The following GRSF1 variants were observed in gnomAD, a reference collection of about 807,000 sequenced individuals.
The protein encoded by GRSF1 is G-rich RNA sequence binding factor 1.
A neutral mutation model predicts 51.1 loss-of-function variants in GRSF1; 50 were observed. The observed-to-expected ratio is 0.98, with a 90% CI of 0.78 to 1.24. The LOEUF (loss-of-function observed/expected upper bound fraction) is 1.24, where lower values mean the gene tolerates loss of function less well. GRSF1 is among the 50% of genes most tolerant of loss of function. The pLI is 0.00. For synonymous variants in GRSF1, 293 were observed against 253.3 expected (o/e 1.16, Z -1.49); for missense variants, 700 against 639.7 (o/e 1.09, Z -1.02).
chr4:70,841,833 G>C (rs1734466369), upstream of GRSF1, among the ~76,000 whole-genome samples: 2 of 152,126 alleles, frequency 1.3e-5, no homozygotes, highest in Non-Finnish European at 2.9e-5. Context: ...TTTGTTTTTT[G>C]GGCTAAAATA....
Position 70,834,988 on chromosome 4 carries a change from C to CT in GRSF1, c.514+1169dup, listed in dbSNP as rs528368517. On this transcript the variant is annotated intron_variant, in intron 2 of 9. Coordinates refer to ENST00000254799, the MANE Select transcript of GRSF1 (RefSeq NM_002092.4). Reference sequence around the variant, plus strand: ...GGCCCTGGTGTCTTCTTGTTCCCCTCTTTGTGTCCATGTGTTCTCATTGTT... The same window carrying CT: ...GGCCCTGGTGTCTTCTTGTTCCCCTCTTTTGTGTCCATGTGTTCTCATTGTT... Among the ~76,000 whole-genome samples the CT allele has an allele frequency of 2.1e-3, 315 of 152,236 alleles. 1 individual carries two copies. Among genetic ancestry groups the CT allele is most frequent in the Admixed American group, 5.7e-3 (87 of 15,280 alleles).
chr4:70,829,030 T>C (rs947104142), intron 5 of GRSF1, among the ~76,000 whole-genome samples: 1 of 151,648 alleles, frequency 6.6e-6, no homozygotes, highest in Non-Finnish European at 1.5e-5. Flanking sequence ...TGAGCCACCA[T>C]GCCCAGCCCA....
upstream of GRSF1, among the ~76,000 whole-genome samples, chr4:70,842,560 C>T (rs1272442833): frequency 6.6e-6 from 1 of 152,090 alleles, no homozygotes; most frequent in Admixed American, 6.6e-5. Flanking sequence ...CTCAGCCTCC[C>T]AAAGTGCTTG....
At chr4:70,832,877 G>A (rs1418294431) in intron 3 of GRSF1, among the ~76,000 whole-genome samples, 8 of 152,194 alleles carry the variant, frequency 5.3e-5, no homozygotes, top group Non-Finnish European at 8.8e-5. Context: ...GAACCCAGGA[G>A]GCAGAGGTTG....
Position 70,835,378 on chromosome 4 carries a change from T to C in GRSF1, c.514+780A>G, listed in dbSNP as rs1266847226. ...CCGGGAGGCGGAGCTTGCAGTGAGC[T>C]GAGATCATGCCACTGCACTCCAGCC... On this transcript the variant is annotated intron_variant, in intron 2 of 9. Transcript: ENST00000254799. Among the ~76,000 whole-genome samples, 9 of 144,074 alleles carry C rather than the reference T, an allele frequency of 6.2e-5. No homozygotes were observed. The East Asian group carries it at 9.0e-4, about 14-fold the overall frequency. 94.5% of individuals were successfully genotyped at this position (144,074 alleles called of 152,430 possible).
chr4:70,836,249 C>T lies in GRSF1; in HGVS notation c.423G>A (p.Lys141=). Residue 141 remains lysine (K), a synonymous_variant, in exon 2 of 10, where the codon AAG becomes AAA. Coordinates refer to ENST00000254799, the MANE Select transcript of GRSF1 (RefSeq NM_002092.4). The part of the protein sequence containing the change: ...PPPEYELAPS[K]LEEEVDDVFL... ...AGACATCATCCACTTCCTCTTCTAACTTGGACGGGGCCAATTCATACTCAG... is the reference window on the plus strand; with the variant it reads ...AGACATCATCCACTTCCTCTTCTAATTTGGACGGGGCCAATTCATACTCAG... 1 of 1,610,520 alleles carries T rather than the reference C, an allele frequency of 6.2e-7. No individual in the cohort carries two copies. The highest frequency in any genetic ancestry group is 8.5e-7 in the Non-Finnish European group (1 of 1,178,516).
intron 5 of GRSF1, among the ~76,000 whole-genome samples, chr4:70,829,148 C>T (rs982194265): frequency 1.3e-5 from 2 of 152,174 alleles, no homozygotes; most frequent in Non-Finnish European, 2.9e-5. Flanking sequence ...ACTTCGGCCT[C>T]CCAAAGTGCT....
At chr4:70,826,270 G>A in intron 6 of GRSF1, 25 bp from the exon 7 acceptor site, 3 of 1,577,402 alleles carry the variant, frequency 1.9e-6, no homozygotes, top group Non-Finnish European at 2.6e-6. Flanking sequence ...AGAAAGCACT[G>A]TTAAAACATA....
At chr4:70,825,918 C>A in intron 7 of GRSF1, 1 of 478,880 alleles carries the variant, frequency 2.1e-6, no homozygotes, top group Non-Finnish European at 3.7e-6. Flanking sequence ...GGCGACAGAG[C>A]GAGACTCTGT....
intron 5 of GRSF1, among the ~76,000 whole-genome samples, chr4:70,830,031 T>C (rs1471884261): frequency 6.6e-6 from 1 of 152,212 alleles, no homozygotes; most frequent in African/African-American, 2.4e-5. Context: ...CCTGAGGTGA[T>C]GTCAACATGA....
At chr4:70,824,539 C>G (rs529649418) in intron 8 of GRSF1, among the ~76,000 whole-genome samples, 171 bp from the exon 9 acceptor site, 1 of 152,084 alleles carries the variant, frequency 6.6e-6, no homozygotes, top group Non-Finnish European at 1.5e-5. Flanking sequence ...AATCCCAGTA[C>G]TTTGGGAAGC....
chr4:70,830,808 G>C (rs574217010), intron 5 of GRSF1, among the ~76,000 whole-genome samples: 205 of 151,422 alleles, frequency 1.4e-3, no homozygotes, highest in Non-Finnish European at 2.3e-3. Context: ...AGGCGGCAGA[G>C]TGAAACTCCG....
At chr4:70,825,053 G>A (rs1221616124) in intron 8 of GRSF1, among the ~76,000 whole-genome samples, 1 of 152,042 alleles carries the variant, frequency 6.6e-6, no homozygotes, top group African/African-American at 2.4e-5. Flanking sequence ...GGTGAGCCGA[G>A]ATGGCACCGC....
chr4:70,825,528 T>C (rs1201105971), intron 7 of GRSF1, 97 bp from the exon 8 acceptor site: 1 of 782,932 alleles, frequency 1.3e-6, no homozygotes, highest in South Asian at 2.9e-5. Context: ...CTTTGATTCA[T>C]ACACTTGATA....
At chr4:70,828,547 AT>A (rs1409283586) in intron 5 of GRSF1, among the ~76,000 whole-genome samples, 3 of 108,892 alleles carry the variant, frequency 2.8e-5, no homozygotes, top group African/African-American at 9.1e-5. Flanking sequence ...GGAGGGGACT[AT>A]CTATTAAACC....
intron 1 of GRSF1, 154 bp downstream of exon 1, chr4:70,839,317 A>G (rs1734360611): frequency 1.8e-5 from 27 of 1,501,114 alleles, no homozygotes; most frequent in Non-Finnish European, 2.4e-5. Flanking sequence ...AGGGCCCAAT[A>G]GGAGCACAGG....
intron 8 of GRSF1, 41 bp downstream of exon 8, chr4:70,825,255 A>G: frequency 1.3e-6 from 2 of 1,522,134 alleles, no homozygotes; most frequent in South Asian, 2.4e-5. Flanking sequence ...AAGCAAAGAC[A>G]AGCATCAAAA....
intron 9 of GRSF1, among the ~76,000 whole-genome samples, 190 bp from the exon 10 acceptor site, chr4:70,821,051 A>G (rs1479950081): frequency 6.6e-6 from 1 of 152,238 alleles, no homozygotes; most frequent in Non-Finnish European, 1.5e-5. Flanking sequence ...CAAAAAACTG[A>G]GTTTCAGAAT....
At chr4:70,827,486 G>C (rs1733781889) in intron 6 of GRSF1, among the ~76,000 whole-genome samples, 2 of 152,036 alleles carry the variant, frequency 1.3e-5, no homozygotes, top group African/African-American at 4.8e-5. Context: ...AGTATGTAAA[G>C]TCCTATTAAA....
Sources: allele counts gnomAD v4.1 joint callset (sites outside exome capture counted in the v4.1 genomes callset), GRCh38; gene constraint gnomAD v4.1.1; transcripts MANE v1.5; gene names NCBI Gene and HGNC (gene_info 2026-07-23, HGNC 2026-07-21).